HMCN1: variants seen among roughly 807,000 people sequenced by gnomAD.
The protein encoded by HMCN1 is hemicentin-1.
Under a neutral mutation model 625.9 loss-of-function variants are expected in HMCN1, and 321 were observed. The ratio of observed to expected loss-of-function variants is 0.51; its 90% confidence interval spans 0.47 to 0.56. The LOEUF is 0.56. HMCN1 is among the 20% of genes least tolerant of loss of function. The pLI, the probability that HMCN1 is intolerant of heterozygous loss-of-function variation, is 0.00. For missense variants in HMCN1, 6,588 were observed against 6,887.3 expected (o/e 0.96, Z 1.54); for synonymous variants, 2,425 against 2,417.6 (o/e 1.00, Z -0.09).
chr1:186,016,099 C>G lies in HMCN1; in HGVS notation c.5051C>G (p.Ala1684Gly). ...TTGAAAGATGGTGTACCTGTGAAAGCTAATGACAATATCCGCATAGAAGCT... is the reference window on the plus strand; with the variant it reads ...TTGAAAGATGGTGTACCTGTGAAAGGTAATGACAATATCCGCATAGAAGCT... ...TWLKDGVPVKANDNIRIEAGG... is the reference protein window; with the variant it reads ...TWLKDGVPVKGNDNIRIEAGG... The change falls in exon 32 of 107, where the codon GCT (alanine) becomes GGT (glycine). Residue 1684 changes from alanine (A) to glycine (G), a missense_variant. Coordinates refer to ENST00000271588, the MANE Select transcript of HMCN1 (RefSeq NM_031935.3). 1 of 1,613,528 alleles carries G rather than the reference C, an allele frequency of 6.2e-7. No homozygotes were observed. Among genetic ancestry groups the G allele is most frequent in the Non-Finnish European group, 8.5e-7 (1 of 1,179,628 alleles).
intron 65 of HMCN1, 95 bp from the exon 66 acceptor site, chr1:186,093,391 A>G: frequency 6.3e-7 from 1 of 1,584,916 alleles, no homozygotes; most frequent in Non-Finnish European, 8.7e-7. Flanking sequence ...TTTGGGCTAC[A>G]ATTTTGAAAT....
rs1658036116 is a variant in HMCN1 at position 186,065,301 on chromosome 1, A to C, written c.7577A>C (p.His2526Pro). The stretch of plus-strand genomic sequence containing the variant: ...CAGCCCCTCCAAGAAGATGAAGCCC[A>C]TCACATTATATCTGGTGGCCGTTTT... ...DGQPLQEDEA[H>P]HIISGGRFLQ... is the part of the protein sequence containing the mutation. The change falls in exon 49 of 107, where the codon CAT becomes CCT. Residue 2526 changes from histidine to proline, a missense_variant. Physicochemically the swap from His to Pro is moderately conservative, Grantham distance 77. Transcript: ENST00000271588. The C allele has an allele frequency of 1.9e-6, 3 of 1,612,788 alleles. No homozygotes were observed. In the African/African-American group the frequency reaches 4.0e-5, roughly 21 times the overall value.
Position 186,125,746 on chromosome 1 carries a change from A to C in HMCN1, c.12642A>C (p.Gly4214=). The change falls in exon 82 of 107, where the codon GGA becomes GGC. Residue 4214 remains glycine (G), a synonymous_variant. Transcript: ENST00000271588. ...KDNVLLANLL[G]KYTAEPYGEL... is the part of the protein sequence containing the mutation. ...ATGTTCTTTTAGCTAACTTGTTAGG[A>C]AAATACACTGCTGAACCATATGGAG... is the stretch of plus-strand genomic sequence containing the variant. 3 of 1,613,462 alleles carry C rather than the reference A, an allele frequency of 1.9e-6. No homozygotes were observed. The highest frequency in any genetic ancestry group is 2.5e-6 in the Non-Finnish European group (3 of 1,179,456).
rs367593956 is a variant in HMCN1 at position 185,809,911 on chromosome 1, A to G, written c.269-36115A>G. 4.0e-5 allele frequency among the ~76,000 whole-genome samples: 6 copies of G among 151,626 alleles called. No homozygotes were observed. In the South Asian group the frequency reaches 8.3e-4, roughly 21 times the overall value. On this transcript the variant is annotated intron_variant, in intron 1 of 106. Coordinates refer to ENST00000271588, the MANE Select transcript of HMCN1 (RefSeq NM_031935.3). ...GGGTTTAGGTCATCCTTTTAGTACT[A>G]TTTTTCTTTTGGGTATCAATATTTA...
Position 186,178,703 on chromosome 1 carries a change from A to C in HMCN1, c.16231A>C (p.Thr5411Pro), listed in dbSNP as rs2102655880. 1.9e-6 allele frequency: 3 copies of C among 1,614,130 alleles called. No homozygotes were observed. The highest frequency in any genetic ancestry group is 2.2e-5 in the East Asian group (1 of 44,880). Residue 5411 changes from threonine (T) to proline (P), a missense_variant, in exon 104 of 107, where the codon ACT becomes CCT. By Grantham distance (38) the Thr-to-Pro change is conservative (BLOSUM62 -1). Around this residue, in one of 3 missense-constraint regions of HMCN1, gnomAD observed 1,954 missense variants for 2,013.1 expected, o/e 0.97. Transcript: ENST00000271588. ...AAACAGCAGAACATCTCTCTCCAGG[A>C]CTAGAAGGACTATTAGGAAAACTTG... Reference protein sequence around the residue: ...YRNSRTSLSRTRRTIRKTCPE... With the variant: ...YRNSRTSLSRPRRTIRKTCPE...
intron 1 of HMCN1, among the ~76,000 whole-genome samples, chr1:185,764,462 A>T (rs1393547333): frequency 1.3e-5 from 2 of 152,054 alleles, no homozygotes. Context: ...TATTGTTCTG[A>T]CCCATATTGA....
chr1:186,066,265 G>C (rs1658103922), intron 49 of HMCN1, among the ~76,000 whole-genome samples: 1 of 151,966 alleles, frequency 6.6e-6, no homozygotes, highest in African/African-American at 2.4e-5. Context: ...TACAGTATCT[G>C]GTATTATATA....
At chr1:186,065,084 G>A (rs1658019956) in intron 48 of HMCN1, among the ~76,000 whole-genome samples, 154 bp from the exon 49 acceptor site, 1 of 152,030 alleles carries the variant, frequency 6.6e-6, no homozygotes, top group Non-Finnish European at 1.5e-5. Context: ...TATAAAATAA[G>A]TTAGCTTGCA....
At chr1:185,785,913 A>T (rs1571349198) in intron 1 of HMCN1, among the ~76,000 whole-genome samples, 1 of 152,222 alleles carries the variant, frequency 6.6e-6, no homozygotes, top group East Asian at 1.9e-4. Context: ...TCATGAACTT[A>T]CTCTACTTCG....
chr1:185,870,035 T>A (rs538767512), intron 4 of HMCN1, among the ~76,000 whole-genome samples: 313 of 151,122 alleles, frequency 2.1e-3, no homozygotes, highest in African/African-American at 6.5e-3. Context: ...TTTTTTTTTT[T>A]TAAAAAAAAA....
chr1:185,846,809 C>G (rs1313579420), intron 2 of HMCN1, among the ~76,000 whole-genome samples: 2 of 152,196 alleles, frequency 1.3e-5, no homozygotes, highest in Non-Finnish European at 2.9e-5. Flanking sequence ...TTCTGAGTGA[C>G]TTCAACATTT....
rs146852378 is a variant in HMCN1 at position 185,853,849 on chromosome 1, T to C, written c.339+7753T>C. ...AATGGGAAATTTCTTGAATTTCTTT[T>C]AAAAGTGTGCATCTATGGGAATATC... is the stretch of plus-strand genomic sequence containing the variant. On this transcript the variant is annotated intron_variant, in intron 2 of 106. Coordinates refer to ENST00000271588, the MANE Select transcript of HMCN1 (RefSeq NM_031935.3). 5.9e-5 allele frequency among the ~76,000 whole-genome samples: 9 copies of C among 152,320 alleles called. No individual in the cohort carries two copies. The East Asian group carries it at 1.7e-3, about 29-fold the overall frequency.
At chr1:185,957,591 T>C (rs1211412133) in intron 11 of HMCN1, among the ~76,000 whole-genome samples, 1 of 152,220 alleles carries the variant, frequency 6.6e-6, no homozygotes, top group Non-Finnish European at 1.5e-5. Flanking sequence ...CCTTGTTCAA[T>C]CTGAGCATAT....
intron 62 of HMCN1, 101 bp downstream of exon 62, chr1:186,088,377 G>T (rs1659650229): frequency 6.4e-7 from 1 of 1,569,894 alleles, no homozygotes; most frequent in Non-Finnish European, 8.7e-7. Flanking sequence ...ATGCTCATAG[G>T]GGTGTTTAGT....
chr1:186,086,504 G>A, intron 58 of HMCN1, 97 bp downstream of exon 58: 1 of 1,282,524 alleles, frequency 7.8e-7, no homozygotes, highest in Non-Finnish European at 1.1e-6. Context: ...CTTTTGTCGT[G>A]CTTCATTTAT....
chr1:185,928,595 G>C lies in HMCN1; in HGVS notation c.1480G>C (p.Glu494Gln). 6.2e-7 allele frequency: 1 copy of C among 1,613,366 alleles called. No individual in the cohort carries two copies. The highest frequency in any genetic ancestry group is 1.1e-5 in the South Asian group (1 of 91,072). The change falls in exon 10 of 107, where the codon GAA becomes CAA. Residue 494 changes from glutamate to glutamine, a missense_variant. Coordinates refer to ENST00000271588, the MANE Select transcript of HMCN1 (RefSeq NM_031935.3). ...LDIAKVTLSD[E>Q]GFYECIAVSS... ...TATTGCAAAGGTCACTTTGTCTGACGAAGGTTTCTATGAATGCATTGCTGT... is the reference window on the plus strand; with the variant it reads ...TATTGCAAAGGTCACTTTGTCTGACCAAGGTTTCTATGAATGCATTGCTGT...
intron 49 of HMCN1, among the ~76,000 whole-genome samples, chr1:186,065,661 G>A (rs1305627445): frequency 6.6e-6 from 1 of 152,160 alleles, no homozygotes; most frequent in South Asian, 2.1e-4. Flanking sequence ...ACACAACTCT[G>A]AATAAGATAG....
At chr1:185,756,507 G>T (rs957356430) in intron 1 of HMCN1, among the ~76,000 whole-genome samples, 2 of 151,206 alleles carry the variant, frequency 1.3e-5, no homozygotes, top group African/African-American at 4.9e-5. Context: ...AAGAAAAAAA[G>T]GAAGTATGAT....
intron 4 of HMCN1, among the ~76,000 whole-genome samples, chr1:185,887,750 T>A (rs1335388911): frequency 7.1e-6 from 1 of 141,046 alleles, no homozygotes; most frequent in East Asian, 2.0e-4. Flanking sequence ...CTATTGTGAA[T>A]AATGCCGCAA....
Sources: allele counts gnomAD v4.1 joint callset (sites outside exome capture counted in the v4.1 genomes callset), GRCh38; gene constraint gnomAD v4.1.1; regional missense constraint gnomAD v4.1.1; transcripts MANE v1.5; gene names NCBI Gene and HGNC (gene_info 2026-07-23, HGNC 2026-07-21).